PBX3: variants seen among roughly 807,000 people sequenced by gnomAD.
PBX3 encodes pre-B-cell leukemia transcription factor 3.
A neutral mutation model predicts 48.5 loss-of-function variants in PBX3; 14 were observed. The ratio of observed to expected loss-of-function variants is 0.29; its 90% CI spans 0.19 to 0.45. The LOEUF (loss-of-function observed/expected upper bound fraction) is 0.45, where lower values mean the gene tolerates loss of function less well. PBX3 is among the 20% of genes least tolerant of loss of function. The probability of loss-of-function intolerance (pLI) is 1.00; values close to 1 mark genes in which losing one functional copy is unlikely to be tolerated. For synonymous variants in PBX3, 210 were observed against 200.3 expected (o/e 1.05, Z -0.41); for missense variants, 386 against 546.7 (o/e 0.71, Z 2.93).
intron 2 of PBX3, among the ~76,000 whole-genome samples, chr9:125,787,237 C>T (rs1012826576): frequency 6.6e-6 from 1 of 151,866 alleles, no homozygotes; most frequent in Non-Finnish European, 1.5e-5. Context: ...AATGGGGTCT[C>T]GCTGTGTTGC....
At chr9:125,845,520 T>C (rs1468516471) in intron 2 of PBX3, among the ~76,000 whole-genome samples, 1 of 152,070 alleles carries the variant, frequency 6.6e-6, no homozygotes, top group East Asian at 1.9e-4. Context: ...GAAAATCAAA[T>C]GAACGGCTAA....
At chr9:125,751,764 T>C (rs1391456459) in intron 2 of PBX3, among the ~76,000 whole-genome samples, 1 of 152,234 alleles carries the variant, frequency 6.6e-6, no homozygotes, top group African/African-American at 2.4e-5. Flanking sequence ...TTTAAAGCCA[T>C]ATTTTATCAT....
chr9:125,814,631 A>G (rs1025250719), intron 2 of PBX3, among the ~76,000 whole-genome samples: 5 of 152,222 alleles, frequency 3.3e-5, no homozygotes, highest in East Asian at 3.8e-4. Flanking sequence ...TGACTGCCCA[A>G]TGAATAACAT....
rs139363044 is a variant in PBX3, at chr9:125,917,398, A to G, written c.516+1471A>G. 1.9e-3 allele frequency among the ~76,000 whole-genome samples: 282 copies of G among 152,256 alleles called. 4 individuals are homozygous for G. Among genetic ancestry groups the G allele is most frequent in the African/African-American group, 6.4e-3 (267 of 41,548 alleles). ...GACACATCATTATCACCCAAAATCC[A>G]TAGTTTACATTAGGGTTCACTCTTG... On this transcript the variant is annotated intron_variant, in intron 3 of 8. Coordinates refer to ENST00000373489, the MANE Select transcript of PBX3 (RefSeq NM_006195.6).
intron 2 of PBX3, among the ~76,000 whole-genome samples, chr9:125,780,795 C>T (rs1193491110): frequency 6.2e-5 from 9 of 145,966 alleles, no homozygotes; most frequent in South Asian, 2.2e-4. Context: ...ACCTCCCTCC[C>T]GGACGGGGCG....
intron 2 of PBX3, among the ~76,000 whole-genome samples, chr9:125,791,469 T>TG (rs1019228694): frequency 2.2e-4 from 33 of 152,188 alleles, no homozygotes; most frequent in African/African-American, 7.7e-4. Context: ...GATTGCATCA[T>TG]GGGGGGAGAT....
At chr9:125,793,366 A>AAAAAATATAT (rs59271982) in intron 2 of PBX3, among the ~76,000 whole-genome samples, 1 of 101,974 alleles carries the variant, frequency 9.8e-6, no homozygotes, top group Non-Finnish European at 1.8e-5. Context: ...GGAAAAAAAA[A>AAAAAATATAT]ATATATATAT....
intron 2 of PBX3, among the ~76,000 whole-genome samples, chr9:125,881,375 G>A (rs1489418454): frequency 6.6e-6 from 1 of 152,212 alleles, no homozygotes; most frequent in Non-Finnish European, 1.5e-5. Flanking sequence ...ACAGCTCTCT[G>A]TGTCACTGGC....
chr9:125,958,141 A>G (rs1564191369), intron 5 of PBX3, among the ~76,000 whole-genome samples: 1 of 152,124 alleles, frequency 6.6e-6, no homozygotes, highest in Non-Finnish European at 1.5e-5. Flanking sequence ...AATTCCTCCC[A>G]AATATCTGTC....
At chr9:125,888,685 T>C (rs886942616) in intron 2 of PBX3, among the ~76,000 whole-genome samples, 3 of 152,186 alleles carry the variant, frequency 2.0e-5, no homozygotes, top group Non-Finnish European at 4.4e-5. Flanking sequence ...TGGTAATTAA[T>C]TTGTTCATAA....
intron 2 of PBX3, among the ~76,000 whole-genome samples, chr9:125,825,295 A>G (rs1194932656): frequency 6.6e-6 from 1 of 152,188 alleles, no homozygotes; most frequent in Non-Finnish European, 1.5e-5. Flanking sequence ...CGCAAAAAAA[A>G]ACAATTATTG....
At chr9:125,933,452 T>C (rs894608153) in intron 4 of PBX3, among the ~76,000 whole-genome samples, 1 of 152,220 alleles carries the variant, frequency 6.6e-6, no homozygotes, top group Admixed American at 6.5e-5. Context: ...GCAAAAGTGA[T>C]GTGAGCCAAA....
At chr9:125,898,072 AAT>A (rs1297145794) in intron 2 of PBX3, among the ~76,000 whole-genome samples, 1 of 151,864 alleles carries the variant, frequency 6.6e-6, no homozygotes, top group African/African-American at 2.4e-5. Flanking sequence ...ATTATGATGG[AAT>A]TGATAAATAA....
chr9:125,881,061 A>C (rs1840370202), intron 2 of PBX3, among the ~76,000 whole-genome samples: 1 of 152,204 alleles, frequency 6.6e-6, no homozygotes, highest in African/African-American at 2.4e-5. Flanking sequence ...TTGACAGGAA[A>C]TTCTGGATCT....
chr9:125,945,354 C>G (rs1261743484), intron 5 of PBX3, among the ~76,000 whole-genome samples: 2 of 152,106 alleles, frequency 1.3e-5, no homozygotes. Flanking sequence ...ATTATTGTTA[C>G]GCAGTTTCTC....
chr9:125,760,845 G>A (rs758424843), intron 2 of PBX3, among the ~76,000 whole-genome samples: 3 of 152,174 alleles, frequency 2.0e-5, no homozygotes, highest in Admixed American at 6.5e-5. Context: ...ATTAAGCCAC[G>A]TTGTGTGTAA....
At chr9:125,805,055 A>G (rs1225282243) in intron 2 of PBX3, among the ~76,000 whole-genome samples, 1 of 152,140 alleles carries the variant, frequency 6.6e-6, no homozygotes, top group African/African-American at 2.4e-5. Context: ...CAAGTATATC[A>G]ACAGACTGAT....
intron 2 of PBX3, among the ~76,000 whole-genome samples, chr9:125,780,485 C>T (rs527783514): frequency 7.3e-6 from 1 of 137,688 alleles, no homozygotes; most frequent in African/African-American, 2.8e-5. Context: ...CCACCTCCCT[C>T]CCGGACGGGG....
intron 2 of PBX3, among the ~76,000 whole-genome samples, chr9:125,832,170 T>G (rs1838978989): frequency 6.6e-6 from 1 of 151,574 alleles, no homozygotes; most frequent in African/African-American, 2.4e-5. Flanking sequence ...TTCTATATAT[T>G]GTTATAAATA....
Sources: allele counts gnomAD v4.1 joint callset (sites outside exome capture counted in the v4.1 genomes callset), GRCh38; gene constraint gnomAD v4.1.1; transcripts MANE v1.5; gene names NCBI Gene and HGNC (gene_info 2026-07-23, HGNC 2026-07-21).